The following PCDHA1 variants were observed in gnomAD, a reference collection of about 807,000 sequenced individuals.
The protein encoded by PCDHA1 is protocadherin alpha 1.
Under a neutral mutation model 61.3 loss-of-function variants are expected in PCDHA1, and 42 were observed. The observed-to-expected ratio is 0.69, with a 90% CI of 0.54 to 0.89. PCDHA1 has a LOEUF of 0.89. Among genes scored for constraint, PCDHA1 ranks in the 40% least tolerant of loss-of-function variants. The pLI, the probability that PCDHA1 is intolerant of heterozygous loss-of-function variation, is 0.00. For missense variants in PCDHA1, 1,256 were observed against 1,235.3 expected, an observed-to-expected ratio of 1.02 and a Z score of -0.25; for synonymous variants, 610 against 553.8, an observed-to-expected ratio of 1.10 and a Z score of -1.43.
chr5:140,927,886 G>C, intron 1 of PCDHA1: 1 of 1,614,210 alleles, frequency 6.2e-7, no homozygotes, highest in Non-Finnish European at 8.5e-7. Flanking sequence ...GGAGGTGACT[G>C]ACGTGAACGA....
chr5:140,833,206 T>C (rs1215291957), intron 1 of PCDHA1, among the ~76,000 whole-genome samples: 2 of 151,926 alleles, frequency 1.3e-5, no homozygotes, highest in African/African-American at 4.8e-5. Context: ...GAGAATGAAA[T>C]AGGAATGGAC....
At chr5:140,857,348 CT>C (rs2044532824) in intron 1 of PCDHA1, 1 of 1,598,398 alleles carries the variant, frequency 6.3e-7, no homozygotes, top group Non-Finnish European at 8.6e-7. Flanking sequence ...CTCGCCTCCG[CT>C]GTGGGCCACG....
chr5:140,836,253 G>T (rs2150256519), intron 1 of PCDHA1: 2 of 1,613,806 alleles, frequency 1.2e-6, no homozygotes, highest in Admixed American at 1.7e-5. Context: ...CCCGTTCCGC[G>T]TGGGGCTGTA....
chr5:140,819,020 T>A (rs1766474811), intron 1 of PCDHA1, among the ~76,000 whole-genome samples: 1 of 152,246 alleles, frequency 6.6e-6, no homozygotes, highest in Non-Finnish European at 1.5e-5. Context: ...AATATGGATA[T>A]TTTAGCACAT....
intron 1 of PCDHA1, among the ~76,000 whole-genome samples, chr5:140,910,364 TATGCCCACCTTGCC>T: frequency 6.6e-6 from 1 of 152,222 alleles, no homozygotes; most frequent in Admixed American, 6.5e-5. Context: ...TTATGGTAGC[TATGCCCACCTTGCC>T]TTTGACAGTT....
chr5:140,979,619 G>A (rs1344525241), intron 2 of PCDHA1, among the ~76,000 whole-genome samples: 1 of 152,164 alleles, frequency 6.6e-6, no homozygotes, highest in African/African-American at 2.4e-5. Context: ...AACGGTATTA[G>A]TCTAAGACTC....
intron 1 of PCDHA1, chr5:140,803,612 C>G: frequency 6.2e-7 from 1 of 1,614,004 alleles, no homozygotes; most frequent in Non-Finnish European, 8.5e-7. Context: ...TTTATTTATT[C>G]TTTCCAAAAT....
At chr5:140,799,530 C>T (rs1762441672) in intron 1 of PCDHA1, among the ~76,000 whole-genome samples, 1 of 151,980 alleles carries the variant, frequency 6.6e-6, no homozygotes, top group Admixed American at 6.6e-5. Flanking sequence ...CTTACTTCTT[C>T]ATAATATAGC....
At chr5:140,993,081 A>G (rs966669704) in intron 3 of PCDHA1, among the ~76,000 whole-genome samples, 34 of 152,234 alleles carry the variant, frequency 2.2e-4, no homozygotes, top group Non-Finnish European at 2.8e-4. Flanking sequence ...GTCTGCAATC[A>G]GCAGGGCTAT....
rs2041387990 is a variant in PCDHA1, at chr5:140,850,164, G to T, written c.2394+61480G>T. On this transcript the variant is annotated intron_variant, in intron 1 of 3. Transcript: ENST00000504120. ...CGTGACGCTGCAGGTGTTCGTGCTGGACGAGAACGACAATGCGCCGGCGCT... is the reference window on the plus strand; with the variant it reads ...CGTGACGCTGCAGGTGTTCGTGCTGTACGAGAACGACAATGCGCCGGCGCT... 7 of 1,594,758 alleles carry T rather than the reference G, an allele frequency of 4.4e-6. 1 individual carries two copies. Among genetic ancestry groups the T allele is most frequent in the Non-Finnish European group, 6.0e-6 (7 of 1,167,800 alleles).
At chr5:140,944,809 A>G (rs2093698274) in intron 1 of PCDHA1, among the ~76,000 whole-genome samples, 1 of 152,220 alleles carries the variant, frequency 6.6e-6, no homozygotes, top group African/African-American at 2.4e-5. Flanking sequence ...GAGGGTCCAC[A>G]GTGATCTTTG....
In PCDHA1 at chr5:140,876,482, T is replaced by G. The variant is rs372044061; in HGVS notation, c.2394+87798T>G. The G allele has an allele frequency of 1.8e-4, 291 of 1,613,904 alleles. No individual in the cohort carries two copies. The highest frequency in any genetic ancestry group is 2.4e-4 in the Non-Finnish European group (285 of 1,179,894). On this transcript the variant is annotated intron_variant, in intron 1 of 3. Transcript: ENST00000504120. The stretch of plus-strand genomic sequence containing the variant: ...TCCATGGCAGGTCACAGCATGGTCC[T>G]GGTGGAAGTTCTGGACGTGAATGAC...
chr5:140,856,909 G>T, intron 1 of PCDHA1: 1 of 1,596,132 alleles, frequency 6.3e-7, no homozygotes, highest in African/African-American at 1.3e-5. Context: ...TCCCACCCAC[G>T]ATAAGAAGGA....
intron 1 of PCDHA1, chr5:140,841,994 A>T: frequency 6.2e-6 from 10 of 1,613,788 alleles, no homozygotes; most frequent in Non-Finnish European, 8.5e-6. Flanking sequence ...GCTCACAGGC[A>T]CTGTTCAGCT....
intron 1 of PCDHA1, chr5:140,967,413 A>G: frequency 6.2e-7 from 1 of 1,613,218 alleles, no homozygotes; most frequent in Non-Finnish European, 8.5e-7. Context: ...AAGGGCCTAG[A>G]CCGGGAGCAG....
intron 1 of PCDHA1, chr5:140,861,672 A>G (rs1581618530): frequency 4.0e-6 from 1 of 248,596 alleles, no homozygotes; most frequent in East Asian, 1.1e-4. Context: ...GCTCTTGATT[A>G]TCGTGTTTCA....
At chr5:140,870,578 C>A in intron 1 of PCDHA1, 1 of 1,613,882 alleles carries the variant, frequency 6.2e-7, no homozygotes. Flanking sequence ...GTGTCCTACT[C>A]GCTGGTGGAG....
At chr5:140,844,914 A>G (rs1779618781) in intron 1 of PCDHA1, among the ~76,000 whole-genome samples, 1 of 149,422 alleles carries the variant, frequency 6.7e-6, no homozygotes, top group African/African-American at 2.5e-5. Context: ...AATGGTAGAA[A>G]TTGATGGAAG....
At chr5:140,862,241 T>C (rs1554155946) in intron 1 of PCDHA1, 3 of 213,712 alleles carry the variant, frequency 1.4e-5, no homozygotes, top group Non-Finnish European at 2.8e-5. Flanking sequence ...ACATCAATGA[T>C]AGTGTTCCAG....
Sources: allele counts gnomAD v4.1 joint callset (sites outside exome capture counted in the v4.1 genomes callset), GRCh38; gene constraint gnomAD v4.1.1; transcripts MANE v1.5; gene names NCBI Gene and HGNC (gene_info 2026-07-23, HGNC 2026-07-21).